The following DNAH10 variants were observed in gnomAD, a reference collection of about 807,000 sequenced individuals.
The protein encoded by DNAH10 is dynein axonemal heavy chain 10, also known as axonemal beta dynein heavy chain 10.
DNAH10 carries 348 observed loss-of-function variants against 506.6 expected under a neutral mutation model. The observed-to-expected ratio is 0.69, with a 90% CI of 0.63 to 0.75. The LOEUF is 0.75. Ranked by LOEUF, DNAH10 falls within the 30% of genes least tolerant of loss-of-function variation. The pLI is 0.00. For missense variants in DNAH10, 5,179 were observed against 5,787.1 expected (o/e 0.89, Z 3.41); for synonymous variants, 2,059 against 2,198.6 (o/e 0.94, Z 1.78).
chr12:123,767,387 T>C (rs1024888395), intron 1 of DNAH10, among the ~76,000 whole-genome samples: 2 of 152,236 alleles, frequency 1.3e-5, no homozygotes, highest in Non-Finnish European at 2.9e-5. Flanking sequence ...TGATCATTTC[T>C]GTATCCTTCG....
At chr12:123,792,521 G>A (rs911961805) in intron 11 of DNAH10, among the ~76,000 whole-genome samples, 18 of 148,556 alleles carry the variant, frequency 1.2e-4, no homozygotes, top group East Asian at 3.9e-4. Context: ...GTGTAATGGC[G>A]TGATCTTGGC....
At chr12:123,857,285 C>T in intron 37 of DNAH10, 38 bp downstream of exon 37, 1 of 1,475,246 alleles carries the variant, frequency 6.8e-7, no homozygotes, top group Non-Finnish European at 9.1e-7. Flanking sequence ...GGCCGTGCAT[C>T]CTTTCCATTG....
chr12:123,765,505 C>G (rs1956991163), intron 1 of DNAH10, among the ~76,000 whole-genome samples: 2 of 152,126 alleles, frequency 1.3e-5, no homozygotes, highest in Admixed American at 1.3e-4. Context: ...AATCAATCAG[C>G]CAATCACCTA....
intron 51 of DNAH10, among the ~76,000 whole-genome samples, chr12:123,886,290 C>T (rs2137110119): frequency 6.6e-6 from 1 of 152,144 alleles, no homozygotes; most frequent in African/African-American, 2.4e-5. Flanking sequence ...AGGGCTGTGT[C>T]TGGGCCCTAG....
chr12:123,864,686 G>A lies in DNAH10; in HGVS notation c.7000G>A (p.Gly2334Arg), dbSNP rs1463111937. 1.3e-5 allele frequency: 21 copies of A among 1,613,850 alleles called. No homozygotes were observed. The highest frequency in any genetic ancestry group is 4.4e-5 in the South Asian group (4 of 91,074). ...DDNRLLTLAN[G>R]ERIRLQAHCA... is the part of the protein sequence containing the mutation. ...CAACAGGTTGTTGACATTGGCCAACGGGGAACGCATCCGGCTCCAAGCACA... is the reference window on the plus strand; with the variant it reads ...CAACAGGTTGTTGACATTGGCCAACAGGGAACGCATCCGGCTCCAAGCACA... The change falls in exon 40 of 79, where the codon GGG becomes AGG. Residue 2334 changes from glycine (G) to arginine (R), a missense_variant. Gly to Arg is a moderately radical substitution (Grantham distance 125). Coordinates refer to ENST00000673944, the MANE Select transcript of DNAH10 (RefSeq NM_001372106.1).
chr12:123,763,365 G>C (rs1956899733), intron 1 of DNAH10, among the ~76,000 whole-genome samples: 1 of 149,896 alleles, frequency 6.7e-6, no homozygotes, highest in South Asian at 2.1e-4. Flanking sequence ...CCGCCTCCTC[G>C]CAGGAGCACC....
Position 123,796,702 on chromosome 12 carries a change from C to T in DNAH10, c.2033C>T (p.Pro678Leu), listed in dbSNP as rs1350884916. 2 of 1,612,764 alleles carry T rather than the reference C, an allele frequency of 1.2e-6. No individual in the cohort carries two copies. Among genetic ancestry groups the T allele is most frequent in the African/African-American group, 2.7e-5 (2 of 74,830 alleles). Residue 678 changes from proline to leucine, a missense_variant, in exon 13 of 79, where the codon CCA (proline) becomes CTA (leucine). By Grantham distance (98) the Pro-to-Leu change is moderately conservative. Transcript: ENST00000673944. Reference sequence around the variant, plus strand: ...TTTGTCCAGAACCTTGAAAATCCACCACTGTATAAGAATCACCCTCCAGTA... The same window carrying T: ...TTTGTCCAGAACCTTGAAAATCCACTACTGTATAAGAATCACCCTCCAGTA... ...KIFVQNLENP[P>L]LYKNHPPVAG...
At position 123,917,723 on chromosome 12, in the gene DNAH10, C is replaced by T; in HGVS notation, c.11142C>T (p.Leu3714=). The T allele has an allele frequency of 6.4e-7, 1 of 1,565,382 alleles. No homozygotes were observed. The highest frequency in any genetic ancestry group is 2.4e-5 in the East Asian group (1 of 41,782). Residue 3714 remains leucine (L), a synonymous_variant, in exon 64 of 79, where the codon CTC becomes CTT. Coordinates refer to ENST00000673944, the MANE Select transcript of DNAH10 (RefSeq NM_001372106.1). The surrounding 1 kb of genome is among the most constrained non-coding windows in gnomAD (Gnocchi z 5.6). ...KNLLKDLEDS[L]LRELATSTGN... The stretch of plus-strand genomic sequence containing the variant: ...TGCTCAAGGACCTGGAAGATTCCCT[C>T]CTTCGGGAGCTGGCCACGTCCACGG...
intron 15 of DNAH10, among the ~76,000 whole-genome samples, chr12:123,800,731 A>T (rs1423067320): frequency 1.3e-5 from 2 of 152,060 alleles, no homozygotes; most frequent in African/African-American, 4.8e-5. Context: ...AAAGTTTAAA[A>T]TATGGGGTTG....
At chr12:123,894,088 T>TC (rs1953111986) in intron 53 of DNAH10, among the ~76,000 whole-genome samples, 1 of 119,490 alleles carries the variant, frequency 8.4e-6, no homozygotes. Context: ...CATCCTTTTT[T>TC]TTTTTTTTTT....
rs1950778466 is a variant in DNAH10, at chr12:123,841,597, T to C, written c.5360+52T>C. ...TGCTCTATCCAATTCATAGTCATAA[T>C]GGATTAATTTTAAAGGCTTGGAGTA... On this transcript the variant is annotated intron_variant, in intron 30 of 78. Coordinates refer to ENST00000673944, the MANE Select transcript of DNAH10 (RefSeq NM_001372106.1). The C allele has an allele frequency of 9.7e-6, 15 of 1,546,268 alleles. 1 individual carries two copies. The highest frequency in any genetic ancestry group is 1.8e-5 in the Admixed American group (1 of 54,470).
Position 123,787,433 on chromosome 12 carries a change from G to A in DNAH10, c.1422-371G>A, listed in dbSNP as rs1395307307. ...CCTGCATAGCTAGATCTCCATTTCT[G>A]TCTATTTGCATAGGTGAAGTAGGTA... On this transcript the variant is annotated intron_variant, in intron 9 of 78. Transcript: ENST00000673944. The surrounding 1 kb of genome is among the most constrained non-coding windows in gnomAD (Gnocchi z 4.6). Among the ~76,000 whole-genome samples, 2 of 152,010 alleles carry A rather than the reference G, an allele frequency of 1.3e-5. No individual in the cohort carries two copies. The highest frequency in any genetic ancestry group is 4.8e-5 in the African/African-American group (2 of 41,382).
chr12:123,801,756 G>A (rs553906461), intron 16 of DNAH10, among the ~76,000 whole-genome samples: 1 of 152,254 alleles, frequency 6.6e-6, no homozygotes, highest in Non-Finnish European at 1.5e-5. Context: ...TTACGACAGA[G>A]GGAGCCTTCG....
rs574793005 is a variant in DNAH10 at position 123,902,027 on chromosome 12, G to A, written c.9641-912G>A. Among the ~76,000 whole-genome samples, 2 of 152,304 alleles carry A rather than the reference G, an allele frequency of 1.3e-5. No homozygotes were observed. Among genetic ancestry groups the A allele is most frequent in the South Asian group, 4.1e-4 (2 of 4,820 alleles). On this transcript the variant is annotated intron_variant, in intron 56 of 78. Coordinates refer to ENST00000673944, the MANE Select transcript of DNAH10 (RefSeq NM_001372106.1). The surrounding 1 kb of genome is among the most constrained non-coding windows in gnomAD (Gnocchi z 4.5). ...TCTGACATCAAGGTGCCAGGACCAT[G>A]CTCCCTCTGAAAGCTCTAGGGGAAG...
chr12:123,929,878 G>A (rs576064637), intron 72 of DNAH10, 119 bp downstream of exon 72: 5 of 868,506 alleles, frequency 5.8e-6, no homozygotes, highest in African/African-American at 1.7e-5. Flanking sequence ...GTTCCCCTTG[G>A]GTTTCTGTGA....
At chr12:123,877,105 A>G (rs1024233935) in intron 47 of DNAH10, among the ~76,000 whole-genome samples, 1 of 152,148 alleles carries the variant, frequency 6.6e-6, no homozygotes, top group African/African-American at 2.4e-5. Context: ...GGAAACCCAC[A>G]CACATTAGCA....
intron 11 of DNAH10, among the ~76,000 whole-genome samples, chr12:123,791,558 CT>C (rs553467337): frequency 1.4e-3 from 216 of 152,012 alleles, no homozygotes; most frequent in Non-Finnish European, 2.2e-3. Flanking sequence ...TCAGTTGAAC[CT>C]TTTTTTGGTT....
In DNAH10 at chr12:123,841,396, A is replaced by G. The variant is rs1327732067; in HGVS notation, c.5211A>G (p.Ser1737=). Residue 1737 remains serine, a synonymous_variant, in exon 30 of 79, where the codon TCA becomes TCG. Coordinates refer to ENST00000673944, the MANE Select transcript of DNAH10 (RefSeq NM_001372106.1). The part of the protein sequence containing the change: ...SGEKLVSAMI[S]AEGEVMEFRK... The stretch of plus-strand genomic sequence containing the variant: ...AAAAACTGGTGTCCGCGATGATTTC[A>G]GCAGAAGGAGAAGTCATGGAGTTTC... The G allele has an allele frequency of 4.3e-6, 7 of 1,613,914 alleles. No individual in the cohort carries two copies. In the Admixed American group the frequency reaches 5.0e-5, roughly 12 times the overall value.
Position 123,903,215 on chromosome 12 carries a change from C to T in DNAH10, c.9815+102C>T, listed in dbSNP as rs1953611955. The T allele has an allele frequency of 7.3e-7, 1 of 1,369,626 alleles. No homozygotes were observed. The highest frequency in any genetic ancestry group is 2.6e-5 in the Admixed American group (1 of 38,026). 84.8% of individuals were successfully genotyped at this position (1,369,626 alleles called of 1,614,324 possible). ...GGAGCTTACAAAGGAGCCGATGCCA[C>T]ATGCTGCCACTGTGCCTGGCTCTCT... On this transcript the variant is annotated intron_variant, in intron 57 of 78. Coordinates refer to ENST00000673944, the MANE Select transcript of DNAH10 (RefSeq NM_001372106.1). This position sits in a 1 kb window ranked among gnomAD's most constrained non-coding sequence, Gnocchi z 4.6.
Sources: gnomAD v4.1 joint callset for allele counts (sites outside exome capture counted in the v4.1 genomes callset) on GRCh38, gnomAD v4.1.1 for gene constraint, Gnocchi (gnomAD v3.1) non-coding constraint, MANE v1.5 for transcripts, NCBI Gene and HGNC (gene_info 2026-07-23, HGNC 2026-07-21) for gene names.